The following C3orf49 variants were observed in gnomAD, a reference collection of about 807,000 sequenced individuals.
C3orf49 encodes chromosome 3 open reading frame 49.
In C3orf49, 27 loss-of-function variants were observed where a neutral mutation model predicts 13.3. The observed-to-expected ratio is 2.02, with a 90% confidence interval of 1.49 to 2.79. C3orf49 has a LOEUF of 2.79. C3orf49 is among the 30% of genes most tolerant of loss of function. The pLI is 0.00. For missense variants in C3orf49, 242 were observed against 134.2 expected (o/e 1.80, Z -3.97); for synonymous variants, 87 against 47.6 (o/e 1.83, Z -3.40).
At chr3:63,807,321 A>G in the C3orf49 span, among the ~76,000 whole-genome samples, 10 of 151,956 alleles carry the variant, frequency 6.6e-5, no homozygotes, top group African/African-American at 1.9e-4. Context: ...TTTCACTCAT[A>G]TTTTTTTCAT....
chr3:63,815,771 C>CTTTTTTTT (rs1227837780), upstream of C3orf49, among the ~76,000 whole-genome samples: 17 of 136,576 alleles, frequency 1.2e-4, no homozygotes, highest in African/African-American at 3.9e-4. Flanking sequence ...TCTTTTCTTT[C>CTTTTTTTT]TTTTTTTTTT....
At chr3:63,828,275 T>A (rs1421996343) in intron 3 of C3orf49, among the ~76,000 whole-genome samples, 1 of 152,186 alleles carries the variant, frequency 6.6e-6, no homozygotes, top group African/African-American at 2.4e-5. Context: ...CTTTTACTTA[T>A]CCATAGGTAT....
chr3:63,831,012 T>C (rs1213314456), intron 3 of C3orf49, 98 bp from the exon 4 acceptor site: 2 of 627,196 alleles, frequency 3.2e-6, no homozygotes, highest in Non-Finnish European at 5.7e-6. Flanking sequence ...GTTCAGTTTA[T>C]AAGATAATGT....
At chr3:63,834,517 G>A (rs1307091406) in intron 5 of C3orf49, among the ~76,000 whole-genome samples, 4 of 151,908 alleles carry the variant, frequency 2.6e-5, no homozygotes, top group Non-Finnish European at 4.4e-5. Context: ...AAAATTAGCT[G>A]GGTGTGGTGG....
intron 6 of C3orf49, chr3:63,846,006 T>G (rs1701886007): frequency 5.5e-6 from 1 of 181,204 alleles, no homozygotes. Context: ...CTTATTGGCA[T>G]TCAGAAGCCT....
intron 5 of C3orf49, chr3:63,838,132 T>A: frequency 7.1e-7 from 1 of 1,409,212 alleles, no homozygotes; most frequent in Non-Finnish European, 9.7e-7. Context: ...TTAAAACGCA[T>A]TTATAAATTA....
At chr3:63,815,326 A>G (rs937958050), upstream of C3orf49, among the ~76,000 whole-genome samples, 1 of 152,176 alleles carries the variant, frequency 6.6e-6, no homozygotes, top group African/African-American at 2.4e-5. Context: ...CTTCTTAAAT[A>G]TTGCCTGGAT....
At chr3:63,797,969 A>G in the C3orf49 span, among the ~76,000 whole-genome samples, 20 of 152,072 alleles carry the variant, frequency 1.3e-4, no homozygotes, top group South Asian at 4.1e-4. Flanking sequence ...CTTTCTAATA[A>G]CCCCAGAGAT....
chr3:63,791,512 G>T, the C3orf49 span, among the ~76,000 whole-genome samples: 1 of 152,268 alleles, frequency 6.6e-6, no homozygotes, highest in South Asian at 2.1e-4. Flanking sequence ...ACCCAATACT[G>T]TCAGTGAACT....
At chr3:63,787,682 C>T in the C3orf49 span, among the ~76,000 whole-genome samples, 8 of 152,176 alleles carry the variant, frequency 5.3e-5, no homozygotes, top group Admixed American at 1.3e-4. Flanking sequence ...GGAAAGCAGT[C>T]CTAGGGATGA....
At chr3:63,780,821 C>T in the C3orf49 span, among the ~76,000 whole-genome samples, 2 of 152,198 alleles carry the variant, frequency 1.3e-5, no homozygotes, top group Non-Finnish European at 2.9e-5. Flanking sequence ...CCTTCACCCA[C>T]TTGTTGATGG....
the C3orf49 span, among the ~76,000 whole-genome samples, chr3:63,780,547 C>G: frequency 5.3e-3 from 809 of 152,262 alleles, 6 homozygotes; most frequent in Admixed American, 8.7e-3. Context: ...GTTCTAGATC[C>G]CTGAGGAATC....
chr3:63,840,202 T>C (rs1701728083), intron 5 of C3orf49, among the ~76,000 whole-genome samples: 1 of 152,028 alleles, frequency 6.6e-6, no homozygotes, highest in Non-Finnish European at 1.5e-5. Context: ...GAACTCCAAA[T>C]GTTAATGTCT....
chr3:63,839,513 GA>G (rs1368013096), intron 5 of C3orf49: 1 of 746,890 alleles, frequency 1.3e-6, no homozygotes, highest in Non-Finnish European at 2.3e-6. Flanking sequence ...AAAAGGCCAA[GA>G]AAATCTACTC....
chr3:63,801,581 T>C, the C3orf49 span, among the ~76,000 whole-genome samples: 1 of 152,174 alleles, frequency 6.6e-6, no homozygotes, highest in Admixed American at 6.5e-5. Flanking sequence ...GTCTACGTAA[T>C]AGAAATAAGA....
At chr3:63,821,534 A>G (rs902777711) in intron 1 of C3orf49, among the ~76,000 whole-genome samples, 1 of 152,096 alleles carries the variant, frequency 6.6e-6, no homozygotes, top group Non-Finnish European at 1.5e-5. Context: ...ATAGCCCCAA[A>G]CTGGAAACAA....
intron 5 of C3orf49, among the ~76,000 whole-genome samples, chr3:63,840,559 C>A (rs1379789177): frequency 6.6e-6 from 1 of 152,082 alleles, no homozygotes; most frequent in Non-Finnish European, 1.5e-5. Flanking sequence ...CCACTGGACT[C>A]CAGCGCCTAT....
At chr3:63,833,980 T>G in intron 5 of C3orf49, 1 of 674,080 alleles carries the variant, frequency 1.5e-6, no homozygotes, top group Non-Finnish European at 2.4e-6. Flanking sequence ...TTTTCCTTTG[T>G]GAGAGGAAAT....
At chr3:63,838,659 T>C (rs1405832405) in intron 5 of C3orf49, among the ~76,000 whole-genome samples, 2 of 152,230 alleles carry the variant, frequency 1.3e-5, no homozygotes, top group African/African-American at 2.4e-5. Context: ...AGTTTTCTTT[T>C]TATCAAATGT....
Sources: allele counts gnomAD v4.1 joint callset (sites outside exome capture counted in the v4.1 genomes callset), GRCh38; gene constraint gnomAD v4.1.1; transcripts MANE v1.5; gene names NCBI Gene and HGNC (gene_info 2026-07-23, HGNC 2026-07-21).